MIPOL1: variants seen among roughly 807,000 people sequenced by gnomAD.
MIPOL1 encodes mirror-image polydactyly gene 1 protein.
In MIPOL1, 57 loss-of-function variants were observed where a neutral mutation model predicts 60.9. The observed-to-expected ratio is 0.94, with a 90% CI of 0.76 to 1.17. MIPOL1 has a LOEUF of 1.17. MIPOL1 is among the 50% of genes most tolerant of loss of function. MIPOL1 has a pLI of 0.00. For missense variants in MIPOL1, 551 were observed against 511.6 expected (o/e 1.08, Z -0.74); for synonymous variants, 179 against 168.8 (o/e 1.06, Z -0.47).
At chr14:37,445,732 T>A (rs968745230) in intron 11 of MIPOL1, among the ~76,000 whole-genome samples, 2 of 151,490 alleles carry the variant, frequency 1.3e-5, no homozygotes, top group Admixed American at 1.3e-4. Flanking sequence ...GAGATATAGA[T>A]CAATGGAACA....
At chr14:37,368,119 A>G (rs1364854938) in intron 9 of MIPOL1, among the ~76,000 whole-genome samples, 1 of 152,140 alleles carries the variant, frequency 6.6e-6, no homozygotes, top group Non-Finnish European at 1.5e-5. Context: ...TCAGTATTTT[A>G]TCATATTTGG....
chr14:37,485,713 T>C (rs1264700342), intron 11 of MIPOL1, among the ~76,000 whole-genome samples: 1 of 151,988 alleles, frequency 6.6e-6, no homozygotes, highest in Non-Finnish European at 1.5e-5. Context: ...CTAAGTTCTT[T>C]GTAGGTTCTG....
Position 37,198,016 on chromosome 14 carries a change from A to C in MIPOL1, c.-287A>C, listed in dbSNP as rs918204169. 1 of 152,194 alleles carries C rather than the reference A, an allele frequency of 6.6e-6. No homozygotes were observed. The highest frequency in any genetic ancestry group is 2.4e-5 in the African/African-American group (1 of 41,450). The allele number at this position is 152,194 out of a possible 1,614,324, so 9.4% of individuals were successfully genotyped here. A position where few individuals can be genotyped will look rare whatever the true frequency, so the allele number is the denominator to read the frequency against. ...GCCAGGAGGCTCTGAGCCAGTGGCG[A>C]TTGGCTGACGCGGTGGCTGCGCACT... On this transcript the variant is annotated 5_prime_UTR_variant, in exon 1 of 13. Coordinates refer to ENST00000684589, the MANE Select transcript of MIPOL1 (RefSeq NM_001388067.1).
At chr14:37,204,722 G>T (rs770340820) in intron 1 of MIPOL1, among the ~76,000 whole-genome samples, 1 of 152,010 alleles carries the variant, frequency 6.6e-6, no homozygotes, top group Non-Finnish European at 1.5e-5. Flanking sequence ...GCGTGAAAAC[G>T]GACTAACACA....
chr14:37,295,717 A>T (rs4900752), intron 7 of MIPOL1, among the ~76,000 whole-genome samples: 4 of 152,248 alleles, frequency 2.6e-5, no homozygotes, highest in South Asian at 2.1e-4. Flanking sequence ...AGGCCATTGC[A>T]TAATGGTAAA....
chr14:37,332,844 T>C (rs2089826468), intron 9 of MIPOL1, among the ~76,000 whole-genome samples: 1 of 152,180 alleles, frequency 6.6e-6, no homozygotes, highest in African/African-American at 2.4e-5. Flanking sequence ...AGAGTTACAG[T>C]ATTGCAGTGG....
chr14:37,369,633 C>T lies in MIPOL1; in HGVS notation c.936+9C>T. The T allele has an allele frequency of 6.2e-7, 1 of 1,605,928 alleles. No homozygotes were observed. Among genetic ancestry groups the T allele is most frequent in the Non-Finnish European group, 8.5e-7 (1 of 1,173,270 alleles). ...AAGAACGTGCTCTGAAGGTAAATCT[C>T]CGTTCCTTCTTGCAGGCAAATTAAG... On this transcript the variant is annotated intron_variant, in intron 10 of 12. Coordinates refer to ENST00000684589, the MANE Select transcript of MIPOL1 (RefSeq NM_001388067.1).
rs1473680393 is a variant in MIPOL1, at chr14:37,547,338, A to C, written c.*367A>C. ...TTCACATATGGCCCTTTCTGAATCA[A>C]AGTGCGGCAAAGTAAATATTGTCTA... is the stretch of plus-strand genomic sequence containing the variant. On this transcript the variant is annotated 3_prime_UTR_variant, in exon 13 of 13. Transcript: ENST00000684589. 4.4e-5 allele frequency: 8 copies of C among 180,514 alleles called. No homozygotes were observed. In the Admixed American group the frequency reaches 4.7e-4, roughly 11 times the overall value. 11.2% of individuals were successfully genotyped at this position (180,514 alleles called of 1,614,324 possible). A position where few individuals can be genotyped will look rare whatever the true frequency, so the allele number is the denominator to read the frequency against.
chr14:37,346,569 C>A (rs2090961554), intron 9 of MIPOL1, among the ~76,000 whole-genome samples: 1 of 152,042 alleles, frequency 6.6e-6, no homozygotes, highest in South Asian at 2.1e-4. Flanking sequence ...CACAAACATA[C>A]ACACACAGCC....
At chr14:37,444,911 T>G (rs1231763905) in intron 11 of MIPOL1, among the ~76,000 whole-genome samples, 2 of 152,200 alleles carry the variant, frequency 1.3e-5, no homozygotes, top group Non-Finnish European at 2.9e-5. Context: ...AATTCAGTAT[T>G]GATGGGATGT....
At chr14:37,359,404 G>C (rs937141347) in intron 9 of MIPOL1, among the ~76,000 whole-genome samples, 1 of 152,146 alleles carries the variant, frequency 6.6e-6, no homozygotes, top group Non-Finnish European at 1.5e-5. Context: ...GGATAGCATT[G>C]AATCTATAAA....
At chr14:37,430,774 A>G (rs1364605590) in intron 11 of MIPOL1, among the ~76,000 whole-genome samples, 3 of 152,174 alleles carry the variant, frequency 2.0e-5, no homozygotes, top group African/African-American at 4.8e-5. Context: ...ATCACTTACA[A>G]ATGTTTGCTG....
intron 10 of MIPOL1, among the ~76,000 whole-genome samples, chr14:37,408,685 ATCT>A (rs745567225): frequency 1.3e-5 from 2 of 152,144 alleles, no homozygotes; most frequent in Non-Finnish European, 2.9e-5. Context: ...AACCAAGCTA[ATCT>A]ACCAAATGTG....
chr14:37,551,609 A>C (rs946269066), downstream of MIPOL1: 2 of 152,074 alleles, frequency 1.3e-5, no homozygotes, highest in Non-Finnish European at 2.9e-5. Context: ...GCGATGGCTC[A>C]CGCCTGTAAT....
At chr14:37,260,884 AATATC>A (rs1223336548) in intron 3 of MIPOL1, among the ~76,000 whole-genome samples, 14 of 152,236 alleles carry the variant, frequency 9.2e-5, no homozygotes, top group Admixed American at 9.2e-4. Context: ...GATTGTAATT[AATATC>A]ATAGAATATG....
intron 10 of MIPOL1, among the ~76,000 whole-genome samples, chr14:37,386,659 T>C (rs2093076813): frequency 6.6e-6 from 1 of 152,002 alleles, no homozygotes; most frequent in South Asian, 2.1e-4. Flanking sequence ...CTAGGTCTTA[T>C]TTTATTTGGA....
intron 11 of MIPOL1, among the ~76,000 whole-genome samples, chr14:37,453,910 A>G (rs537768400): frequency 2.2e-4 from 33 of 152,214 alleles, no homozygotes; most frequent in Admixed American, 5.2e-4. Flanking sequence ...TTCTTTTTTC[A>G]TCTCCCAAAT....
intron 11 of MIPOL1, among the ~76,000 whole-genome samples, chr14:37,487,829 C>A (rs1000046242): frequency 4.6e-5 from 7 of 152,276 alleles, no homozygotes; most frequent in African/African-American, 1.4e-4. Context: ...GTGTCTCTAT[C>A]TCCTTCAGTC....
chr14:37,342,693 G>C (rs968703673), intron 9 of MIPOL1, among the ~76,000 whole-genome samples: 1 of 152,038 alleles, frequency 6.6e-6, no homozygotes, highest in Non-Finnish European at 1.5e-5. Flanking sequence ...ACCGTGCCTG[G>C]CCGCAATTCA....
Sources: allele counts gnomAD v4.1 joint callset (sites outside exome capture counted in the v4.1 genomes callset), GRCh38; gene constraint gnomAD v4.1.1; transcripts MANE v1.5; gene names NCBI Gene and HGNC (gene_info 2026-07-23, HGNC 2026-07-21).